Variants in DAB2 observed in about 807,000 individuals in gnomAD.
The protein encoded by DAB2 is disabled homolog 2.
DAB2 carries 28 observed loss-of-function variants against 71.6 expected under a neutral mutation model. That is an observed-to-expected ratio of 0.39 (90% confidence interval 0.29 to 0.54). The LOEUF is 0.54. DAB2 is among the 20% of genes least tolerant of loss of function. DAB2 has a pLI of 0.68. For synonymous variants in DAB2, 345 were observed against 339.7 expected, an observed-to-expected ratio of 1.02 and a Z score of -0.17; for missense variants, 867 against 928.8, an observed-to-expected ratio of 0.93 and a Z score of 0.86.
chr5:39,395,934 A>ATTTTTTTTT (rs1561373222), intron 1 of DAB2, among the ~76,000 whole-genome samples: 14 of 32,856 alleles, frequency 4.3e-4, no homozygotes, highest in Non-Finnish European at 5.4e-4. Context: ...AGACACAGAT[A>ATTTTTTTTT]TTCTTTTTTT....
intron 1 of DAB2, among the ~76,000 whole-genome samples, chr5:39,409,213 G>A (rs1161100529): frequency 2.0e-5 from 3 of 152,096 alleles, no homozygotes; most frequent in Non-Finnish European, 2.9e-5. Context: ...GTATTCTTGA[G>A]CTAAAGTTCA....
chr5:39,376,109 A>G lies in DAB2; in HGVS notation c.2138-3T>C. The stretch of plus-strand genomic sequence containing the variant: ...TCTGGGAGCTGGCTTTGGTGGTTCT[A>G]GAAGGTAAAAAATCCAGGCAATCAG... On this transcript the variant is annotated splice_polypyrimidine_tract_variant and splice_region_variant and intron_variant, in intron 12 of 14. Transcript: ENST00000320816. The G allele has an allele frequency of 6.2e-7, 1 of 1,612,516 alleles. No homozygotes were observed. Among genetic ancestry groups the G allele is most frequent in the Non-Finnish European group, 8.5e-7 (1 of 1,178,968 alleles).
At position 39,381,501 on chromosome 5, in the gene DAB2, A is replaced by G. The variant is rs1196569263; in HGVS notation, c.1457T>C (p.Leu486Pro). Residue 486 changes from leucine (L) to proline (P), a missense_variant, in exon 11 of 15, where the codon CTC becomes CCC. Transcript: ENST00000320816. ...PTALQPNPLD[L>P]FKTSAPAPVG... ...TGGGGCAGGAGCACTTGTTTTGAAG[A>G]GATCCAGAGGGTTGGGCTGCAGGGC... The G allele has an allele frequency of 1.4e-5, 22 of 1,614,002 alleles. No homozygotes were observed. Among genetic ancestry groups the G allele is most frequent in the Non-Finnish European group, 1.7e-5 (20 of 1,179,986 alleles).
chr5:39,401,755 T>TTATTTATTTATG (rs1164312336), intron 1 of DAB2, among the ~76,000 whole-genome samples: 1 of 150,318 alleles, frequency 6.7e-6, no homozygotes, highest in Non-Finnish European at 1.5e-5. Flanking sequence ...ATTTATTTAT[T>TTATTTATTTATG]TATTTATTTA....
chr5:39,394,492 T>C, intron 1 of DAB2, 71 bp from the exon 2 acceptor site: 1 of 597,844 alleles, frequency 1.7e-6, no homozygotes, highest in South Asian at 2.1e-5. Context: ...AGAATAGGCT[T>C]ACAACTAGTG....
chr5:39,390,578 T>A lies in DAB2; in HGVS notation c.331-3A>T, dbSNP rs2255779. 2 of 1,603,048 alleles carry A rather than the reference T, an allele frequency of 1.2e-6. No individual in the cohort carries two copies. The highest frequency in any genetic ancestry group is 1.7e-6 in the Non-Finnish European group (2 of 1,173,560). ...ACTGGATGTTCATGCTCTATTACCTTAAAAAAGAACATAAAGAGTAATTTA... is the reference window on the plus strand; with the variant it reads ...ACTGGATGTTCATGCTCTATTACCTAAAAAAAGAACATAAAGAGTAATTTA... On this transcript the variant is annotated splice_region_variant and splice_polypyrimidine_tract_variant and intron_variant, in intron 4 of 14. Transcript: ENST00000320816.
intron 9 of DAB2, among the ~76,000 whole-genome samples, chr5:39,387,395 A>G (rs77147454): frequency 0.021 from 3,239 of 152,256 alleles, 51 homozygotes; most frequent in Non-Finnish European, 0.035. Context: ...ACTCCTGCAG[A>G]AGCATTACCT....
chr5:39,376,007 G>A lies in DAB2; in HGVS notation c.2237C>T (p.Ser746Leu). The A allele has an allele frequency of 6.2e-7, 1 of 1,613,264 alleles. No homozygotes were observed. The highest frequency in any genetic ancestry group is 8.5e-7 in the Non-Finnish European group (1 of 1,179,244). ...GTAGTTCATACTTACAGAGGCTTGT[G>A]ATGAACCAAAAGAATCTTTAAAGAA... ...NPFFKDSFGS[S>L]QASVASSQPV... Residue 746 changes from serine to leucine, a missense_variant, in exon 13 of 15, where the codon TCA becomes TTA. Coordinates refer to ENST00000320816, the MANE Select transcript of DAB2 (RefSeq NM_001343.4).
chr5:39,383,788 C>G (rs1470400712), intron 9 of DAB2, among the ~76,000 whole-genome samples: 1 of 152,194 alleles, frequency 6.6e-6, no homozygotes, highest in African/African-American at 2.4e-5. Context: ...AATTCATCGA[C>G]TAATACATTC....
intron 1 of DAB2, among the ~76,000 whole-genome samples, chr5:39,407,082 A>G (rs1755625250): frequency 6.6e-6 from 1 of 152,226 alleles, no homozygotes; most frequent in South Asian, 2.1e-4. Context: ...CATAGCTTTT[A>G]CTACAATCCT....
intron 14 of DAB2, 80 bp downstream of exon 14, chr5:39,374,934 A>C: frequency 2.2e-6 from 2 of 916,776 alleles, no homozygotes; most frequent in Non-Finnish European, 3.6e-6. Flanking sequence ...CAATTCTAAA[A>C]TTAAAATTTC....
chr5:39,396,693 G>A (rs1755376912), intron 1 of DAB2, among the ~76,000 whole-genome samples: 1 of 152,240 alleles, frequency 6.6e-6, no homozygotes, highest in Admixed American at 6.5e-5. Flanking sequence ...GGTGGTTAAT[G>A]TAGCCCAAAG....
At position 39,382,865 on chromosome 5, in the gene DAB2, G is replaced by A; in HGVS notation, c.1094C>T (p.Pro365Leu). ...TGGCTGGGTTTGCGAACTTGAAAAGGGCCATGGGCCTGCCTGAGCTTCCTG... is the reference window on the plus strand; with the variant it reads ...TGGCTGGGTTTGCGAACTTGAAAAGAGCCATGGGCCTGCCTGAGCTTCCTG... ...GKQEAQAGPW[P>L]FSSSQTQPAV... The change falls in exon 10 of 15, where the codon CCC becomes CTC. Residue 365 changes from proline (P) to leucine (L), a missense_variant. Physicochemically the swap from Pro to Leu is moderately conservative, Grantham distance 98. This residue lies in a region of DAB2 where 740 missense variants were observed against 734.3 expected (regional missense o/e 1.01). Transcript: ENST00000320816. 7 of 1,614,114 alleles carry A rather than the reference G, an allele frequency of 4.3e-6. No homozygotes were observed. Among genetic ancestry groups the A allele is most frequent in the Non-Finnish European group, 5.1e-6 (6 of 1,180,018 alleles).
At chr5:39,402,922 C>G (rs35896178) in intron 1 of DAB2, among the ~76,000 whole-genome samples, 1 of 152,018 alleles carries the variant, frequency 6.6e-6, no homozygotes. Flanking sequence ...GTCATTATCA[C>G]GGACAGTTTA....
chr5:39,403,576 G>A (rs1441400250), intron 1 of DAB2, among the ~76,000 whole-genome samples: 2 of 152,146 alleles, frequency 1.3e-5, no homozygotes, highest in Non-Finnish European at 2.9e-5. Context: ...GGTAGCAGGA[G>A]TTACTTGGTC....
chr5:39,411,904 C>T (rs1014255876), intron 1 of DAB2, among the ~76,000 whole-genome samples: 32 of 152,112 alleles, frequency 2.1e-4, no homozygotes, highest in African/African-American at 7.7e-4. Flanking sequence ...AGCATATGAA[C>T]AATTAGTTCC....
At chr5:39,419,139 A>C (rs1000186632) in intron 1 of DAB2, among the ~76,000 whole-genome samples, 1 of 152,194 alleles carries the variant, frequency 6.6e-6, no homozygotes, top group Non-Finnish European at 1.5e-5. Flanking sequence ...CTGTTTTTGC[A>C]AGGTAAGTGA....
chr5:39,403,506 A>G (rs1232537023), intron 1 of DAB2, among the ~76,000 whole-genome samples: 5 of 152,146 alleles, frequency 3.3e-5, no homozygotes, highest in Non-Finnish European at 7.4e-5. Flanking sequence ...TCTGAATCAA[A>G]ATAGAAAAAG....
At position 39,390,430 on chromosome 5, in the gene DAB2, G is replaced by A. The variant is rs1463028355; in HGVS notation, c.462+14C>T. 1.2e-6 allele frequency: 2 copies of A among 1,613,316 alleles called. No individual in the cohort carries two copies. The highest frequency in any genetic ancestry group is 1.7e-6 in the Non-Finnish European group (2 of 1,179,686). ...GGACAAGTCCCCAGGTCTATGTCAA[G>A]ACTTAGAGCTCACCTGTTGCCCGGT... On this transcript the variant is annotated intron_variant, in intron 5 of 14. Transcript: ENST00000320816.
Sources: gnomAD v4.1 joint callset for allele counts (sites outside exome capture counted in the v4.1 genomes callset) on GRCh38, gnomAD v4.1.1 for gene constraint, gnomAD v4.1.1 regional missense constraint, MANE v1.5 for transcripts, NCBI Gene and HGNC (gene_info 2026-07-23, HGNC 2026-07-21) for gene names.